Variants in CLUL1 observed in about 807,000 individuals in gnomAD.
CLUL1 encodes the protein clusterin-like protein 1.
CLUL1 carries 43 observed loss-of-function variants against 49.4 expected under a neutral mutation model. That is an observed-to-expected ratio of 0.87 (90% CI 0.68 to 1.12). The LOEUF is 1.12. CLUL1 is among the 50% of genes most tolerant of loss of function. CLUL1 has a pLI of 0.00. For missense variants in CLUL1, 486 were observed against 544.4 expected (o/e 0.89, Z 1.07); for synonymous variants, 192 against 184.9 (o/e 1.04, Z -0.31).
At position 645,809 on chromosome 18, in the gene CLUL1, AAATATATATATATATAT is replaced by A. The variant is rs1321689844; in HGVS notation, c.1397+714_1397+730del. On this transcript the variant is annotated intron_variant, in intron 9 of 9. Coordinates refer to ENST00000692774, the MANE Select transcript of CLUL1 (RefSeq NM_001393344.1). ...ACTCTGTTTAAAAAAAAAAAAAAAA[AAATATATATATATATAT>A]ATATATATATATATATATATATATA... Among the ~76,000 whole-genome samples, 5 of 70,472 alleles carry A rather than the reference AAATATATATATATATAT, an allele frequency of 7.1e-5. 1 individual carries two copies. The highest frequency in any genetic ancestry group is 1.1e-4 in the Non-Finnish European group (4 of 37,832). 46.2% of individuals were successfully genotyped at this position (70,472 alleles called of 152,430 possible).
intron 2 of CLUL1, chr18:612,903 C>T (rs1194332352): frequency 5.9e-6 from 1 of 170,004 alleles, no homozygotes; most frequent in East Asian, 1.5e-4. Context: ...AAGAGAAGCA[C>T]TATTCTGGGT....
intron 7 of CLUL1, among the ~76,000 whole-genome samples, chr18:638,033 T>C (rs1175513871): frequency 6.6e-6 from 1 of 152,138 alleles, no homozygotes; most frequent in African/African-American, 2.4e-5. Context: ...GTGCTCTCTC[T>C]CCTGAACTGC....
chr18:639,453 C>CTTCA (rs1567975552), intron 7 of CLUL1, among the ~76,000 whole-genome samples: 1 of 111,978 alleles, frequency 8.9e-6, no homozygotes, highest in African/African-American at 3.5e-5. Context: ...AAAAAAAAAG[C>CTTCA]TTCATACAAA....
intron 9 of CLUL1, among the ~76,000 whole-genome samples, chr18:647,005 C>T: frequency 6.6e-6 from 1 of 152,154 alleles, no homozygotes; most frequent in East Asian, 1.9e-4. Context: ...CCCACCTTGG[C>T]CTCCCAAAGT....
intron 1 of CLUL1, among the ~76,000 whole-genome samples, chr18:605,489 G>A (rs1375011086): frequency 6.6e-6 from 1 of 151,914 alleles, no homozygotes; most frequent in South Asian, 2.1e-4. Context: ...TTAGCCAGGT[G>A]TGGTGGCCCA....
intron 2 of CLUL1, among the ~76,000 whole-genome samples, chr18:617,611 A>G (rs943214702): frequency 1.6e-4 from 25 of 151,564 alleles, no homozygotes; most frequent in African/African-American, 5.1e-4. Flanking sequence ...AAAAAAAAAA[A>G]AAAAGAATTT....
Position 627,406 on chromosome 18 carries a change from T to C in CLUL1, c.733T>C (p.Cys245Arg), listed in dbSNP as rs936889229. ...GATGACAAAAGCAGATCTTGAGCAA[T>C]GTTGGGACATTCCCAACTTCTTCCA... is the stretch of plus-strand genomic sequence containing the variant. The part of the protein sequence containing the change: ...EPMTKADLEQ[C>R]WDIPNFFQLF... The change falls in exon 6 of 10, where the codon TGT (cysteine) becomes CGT (arginine). Residue 245 changes from cysteine to arginine, a missense_variant. Transcript: ENST00000692774. 1.2e-5 allele frequency: 19 copies of C among 1,614,180 alleles called. No homozygotes were observed. Among genetic ancestry groups the C allele is most frequent in the Non-Finnish European group, 1.6e-5 (19 of 1,179,990 alleles).
In CLUL1 at chr18:626,998, GGAAGGAAGGAAAGAAAGAAA is replaced by G. The variant is rs1567967184; in HGVS notation, c.424-95_424-76del. On this transcript the variant is annotated intron_variant, in intron 5 of 9. Transcript: ENST00000692774. The stretch of plus-strand genomic sequence containing the variant: ...AGGAAGGAAGGAAGGAAGGAAGGAA[GGAAGGAAGGAAAGAAAGAAA>G]GAAAGAAAGAAAAGAAAGAAAGAGT... 17 of 20,758 alleles carry G rather than the reference GGAAGGAAGGAAAGAAAGAAA, an allele frequency of 8.2e-4. 3 individuals are homozygous for G. The highest frequency in any genetic ancestry group is 3.2e-3 in the African/African-American group (17 of 5,338). The allele number at this position is 20,758 out of a possible 1,614,324, so 1.3% of individuals were successfully genotyped here.
chr18:647,258 T>G (rs1005399552), intron 9 of CLUL1, among the ~76,000 whole-genome samples: 41 of 152,046 alleles, frequency 2.7e-4, no homozygotes, highest in Admixed American at 5.9e-4. Flanking sequence ...GTAGAGCATC[T>G]AGGTACTGAG....
At chr18:605,666 G>GT (rs1555630175) in intron 1 of CLUL1, among the ~76,000 whole-genome samples, 1 of 151,972 alleles carries the variant, frequency 6.6e-6, no homozygotes. Flanking sequence ...CAGTATAGTG[G>GT]TTTTTTTGTT....
Position 627,163 on chromosome 18 carries a change from C to A in CLUL1, c.490C>A (p.Leu164Ile). Reference protein sequence around the residue: ...FPFHEDNEKDLPISEKLIEED... With the variant: ...FPFHEDNEKDIPISEKLIEED... ...TTTCCATGAAGATAATGAAAAAGAT[C>A]TCCCCATCAGTGAAAAGCTCATTGA... Residue 164 changes from leucine to isoleucine, a missense_variant, in exon 6 of 10, where the codon CTC (leucine) becomes ATC (isoleucine). Coordinates refer to ENST00000692774, the MANE Select transcript of CLUL1 (RefSeq NM_001393344.1). 6.2e-7 allele frequency: 1 copy of A among 1,612,562 alleles called. No homozygotes were observed. Among genetic ancestry groups the A allele is most frequent in the South Asian group, 1.1e-5 (1 of 90,966 alleles).
chr18:602,150 C>T (rs75166134), intron 1 of CLUL1, among the ~76,000 whole-genome samples: 1,974 of 152,300 alleles, frequency 0.013, 17 homozygotes, highest in Non-Finnish European at 0.023. Flanking sequence ...AATACATGCC[C>T]TGACATTGTA....
In CLUL1 at chr18:607,038, C is replaced by A; in HGVS notation, c.-75C>A. On this transcript the variant is annotated 5_prime_UTR_variant, in exon 2 of 10. Transcript: ENST00000692774. Reference sequence around the variant, plus strand: ...GTGGCATGTTCATAGCTCACTGAAGCCTCAAATTCCTGGGTTCAAGTGACC... The same window carrying A: ...GTGGCATGTTCATAGCTCACTGAAGACTCAAATTCCTGGGTTCAAGTGACC... 1.4e-6 allele frequency: 1 copy of A among 701,336 alleles called. No homozygotes were observed. The highest frequency in any genetic ancestry group is 1.5e-5 in the South Asian group (1 of 67,454). 43.4% of individuals were successfully genotyped at this position (701,336 alleles called of 1,614,324 possible).
At chr18:626,860 C>T (rs545371583) in intron 5 of CLUL1, among the ~76,000 whole-genome samples, 8 of 100,718 alleles carry the variant, frequency 7.9e-5, no homozygotes, top group Non-Finnish European at 1.5e-4. Flanking sequence ...GACTCCATCT[C>T]AAATAAGAAA....
intron 2 of CLUL1, among the ~76,000 whole-genome samples, chr18:610,626 A>G (rs1048864894): frequency 6.6e-6 from 1 of 152,180 alleles, no homozygotes; most frequent in Non-Finnish European, 1.5e-5. Context: ...GGGAAGAGAA[A>G]CATCTGACGG....
intron 1 of CLUL1, among the ~76,000 whole-genome samples, chr18:602,421 A>G (rs2072859023): frequency 6.6e-6 from 1 of 152,030 alleles, no homozygotes; most frequent in Non-Finnish European, 1.5e-5. Context: ...AGTTCAGCCA[A>G]TGGGAGGCAT....
At chr18:624,592 G>C (rs892769217) in intron 4 of CLUL1, among the ~76,000 whole-genome samples, 1 of 152,176 alleles carries the variant, frequency 6.6e-6, no homozygotes, top group African/African-American at 2.4e-5. Flanking sequence ...CACACCTAGA[G>C]TAATGTCTGT....
At chr18:628,639 C>CTTT (rs577855173) in intron 6 of CLUL1, among the ~76,000 whole-genome samples, 6 of 137,586 alleles carry the variant, frequency 4.4e-5, no homozygotes, top group African/African-American at 1.3e-4. Context: ...TTTCTTTTTT[C>CTTT]TTTTTTTTTT....
At chr18:608,970 C>A in intron 2 of CLUL1, among the ~76,000 whole-genome samples, 1 of 152,050 alleles carries the variant, frequency 6.6e-6, no homozygotes, top group East Asian at 1.9e-4. Flanking sequence ...ATTCTTTTTT[C>A]CATATATAGG....
Sources: gnomAD v4.1 joint callset for allele counts (sites outside exome capture counted in the v4.1 genomes callset) on GRCh38, gnomAD v4.1.1 for gene constraint, MANE v1.5 for transcripts, NCBI Gene and HGNC (gene_info 2026-07-23, HGNC 2026-07-21) for gene names.